The following ANK2 variants were observed in gnomAD, a reference collection of about 807,000 sequenced individuals.
ANK2 encodes the protein ankyrin 2, also known as ankyrin-2.
ANK2 carries 83 observed loss-of-function variants against 360.5 expected under a neutral mutation model. The observed-to-expected ratio is 0.23, with a 90% CI of 0.19 to 0.28. ANK2 has a LOEUF of 0.28. ANK2 is among the 10% of genes least tolerant of loss of function. The probability of loss-of-function intolerance (pLI) is 1.00; values close to 1 mark genes in which losing one functional copy is unlikely to be tolerated. For missense variants in ANK2, 4,201 were observed against 4,795.7 expected (o/e 0.88, Z 3.66); for synonymous variants, 1,740 against 1,759.5 (o/e 0.99, Z 0.28).
At chr4:112,826,185 C>T in intron 1 of ANK2, 1 of 295,908 alleles carries the variant, frequency 3.4e-6, no homozygotes. Context: ...ATGAACTTGC[C>T]CCAAATGTGT....
At chr4:113,096,908 G>A (rs931136876) in intron 1 of ANK2, among the ~76,000 whole-genome samples, 2 of 151,578 alleles carry the variant, frequency 1.3e-5, no homozygotes, top group Non-Finnish European at 2.9e-5. Context: ...TTAAATTCAA[G>A]CTAAGACCTA....
At chr4:113,380,823 T>C (rs6853544) in intron 45 of ANK2, among the ~76,000 whole-genome samples, 2,618 of 152,268 alleles carry the variant, frequency 0.017, 77 homozygotes, top group African/African-American at 0.059. Flanking sequence ...GCTTTTCTCT[T>C]TTCCCCTTCC....
intron 1 of ANK2, among the ~76,000 whole-genome samples, chr4:113,076,227 A>C (rs2079894574): frequency 6.6e-6 from 1 of 152,226 alleles, no homozygotes; most frequent in African/African-American, 2.4e-5. Context: ...AAAAAATCTC[A>C]TAATGTTTTA....
At chr4:112,873,867 C>T (rs2074113372) in intron 1 of ANK2, among the ~76,000 whole-genome samples, 1 of 151,570 alleles carries the variant, frequency 6.6e-6, no homozygotes, top group Non-Finnish European at 1.5e-5. Context: ...TAAAGTTATT[C>T]CACTTTGGTG....
the ANK2 span, among the ~76,000 whole-genome samples, chr4:112,708,809 T>C: frequency 6.6e-6 from 1 of 152,230 alleles, no homozygotes; most frequent in South Asian, 2.1e-4. Context: ...AAAATGTCAC[T>C]GTAGGATTGA....
the ANK2 span, among the ~76,000 whole-genome samples, chr4:112,713,112 T>C: frequency 1.3e-5 from 2 of 152,216 alleles, no homozygotes; most frequent in African/African-American, 2.4e-5. Flanking sequence ...TTACCTAGAA[T>C]AAAACCATTT....
intron 1 of ANK2, among the ~76,000 whole-genome samples, chr4:113,088,889 C>A (rs2154352125): frequency 6.6e-6 from 1 of 152,242 alleles, no homozygotes. Context: ...TATCATGAGT[C>A]CCAGCTCTAT....
rs886508550 is a variant in ANK2, at chr4:113,381,469, T to G, written c.11872T>G (p.Ter3958GluextTer18). ...DTEQSEDNNE[*>E] ...TGCTTTTCTCCAGGACAACAATGAG[T>G]AAAGCCATCACACAGAAGAGGGCTG... The change falls in exon 46 of 46, where the codon TAA becomes GAA. Residue 3958 changes from the stop codon to glutamate (E), a stop_lost. Coordinates refer to ENST00000357077, the MANE Select transcript of ANK2 (RefSeq NM_001148.6). 1 of 1,613,948 alleles carries G rather than the reference T, an allele frequency of 6.2e-7. No individual in the cohort carries two copies. The highest frequency in any genetic ancestry group is 1.3e-5 in the African/African-American group (1 of 74,912).
At chr4:113,277,519 CT>C (rs201864524) in intron 15 of ANK2, among the ~76,000 whole-genome samples, 1 of 150,544 alleles carries the variant, frequency 6.6e-6, no homozygotes, top group Non-Finnish European at 1.5e-5. Context: ...CAAGAAAAGG[CT>C]TTTTTTCCCC....
intron 1 of ANK2, among the ~76,000 whole-genome samples, chr4:112,821,141 C>T (rs2056896335): frequency 6.6e-6 from 1 of 152,110 alleles, no homozygotes; most frequent in South Asian, 2.1e-4. Flanking sequence ...TCTTGAACTC[C>T]TGACCTCAGG....
At chr4:112,799,558 C>T in the ANK2 span, among the ~76,000 whole-genome samples, 5 of 151,042 alleles carry the variant, frequency 3.3e-5, no homozygotes, top group African/African-American at 4.9e-5. Flanking sequence ...GCTGTGTCAC[C>T]CCGGCTGGAG....
At chr4:112,968,695 C>T (rs892414227) in intron 2 of ANK2, among the ~76,000 whole-genome samples, 1 of 152,152 alleles carries the variant, frequency 6.6e-6, no homozygotes, top group Admixed American at 6.6e-5. Context: ...GAGGGAATCC[C>T]AAATTAGAAA....
In ANK2 at chr4:113,192,743, A is replaced by G. The variant is rs150594275; in HGVS notation, c.187-3625A>G. On this transcript the variant is annotated intron_variant, in intron 2 of 45. Coordinates refer to ENST00000357077, the MANE Select transcript of ANK2 (RefSeq NM_001148.6). Reference sequence around the variant, plus strand: ...AATGTAAAATATAATAGTGATTCCTATGTCATTAACATTTCTTATTCTTTC... The same window carrying G: ...AATGTAAAATATAATAGTGATTCCTGTGTCATTAACATTTCTTATTCTTTC... 8.5e-5 allele frequency among the ~76,000 whole-genome samples: 13 copies of G among 152,198 alleles called. No homozygotes were observed. In the East Asian group the frequency reaches 2.5e-3, roughly 29 times the overall value.
chr4:113,201,656 A>G (rs1478699339), intron 4 of ANK2, among the ~76,000 whole-genome samples: 1 of 152,228 alleles, frequency 6.6e-6, no homozygotes, highest in South Asian at 2.1e-4. Context: ...CCTCAAAATG[A>G]CAAACATAGT....
intron 1 of ANK2, among the ~76,000 whole-genome samples, chr4:112,854,658 A>G (rs763587227): frequency 2.0e-5 from 3 of 152,218 alleles, no homozygotes; most frequent in Non-Finnish European, 4.4e-5. Context: ...TAAGGGTTCT[A>G]GCTTAAGGGA....
chr4:113,290,075 G>T (rs2153735960), intron 20 of ANK2, among the ~76,000 whole-genome samples: 1 of 152,058 alleles, frequency 6.6e-6, no homozygotes, highest in Non-Finnish European at 1.5e-5. Flanking sequence ...ACACTATATT[G>T]TCTAGAGAAT....
chr4:112,913,074 T>G lies in ANK2; in HGVS notation c.21+8560T>G, dbSNP rs1390184018. 2.6e-5 allele frequency among the ~76,000 whole-genome samples: 4 copies of G among 152,120 alleles called. No individual in the cohort carries two copies. The East Asian group carries it at 7.7e-4, about 29-fold the overall frequency. On this transcript the variant is annotated intron_variant, in intron 2 of 30. Coordinates refer to the ANK2 transcript ENST00000503271. ...GCACTACATAGGCTCGGGATGCCTA[T>G]GTAACCGTAAAAAAACTCATATTAG...
chr4:113,195,441 T>C (rs539960440), intron 2 of ANK2, among the ~76,000 whole-genome samples: 6 of 152,278 alleles, frequency 3.9e-5, no homozygotes, highest in African/African-American at 1.2e-4. Flanking sequence ...CATTTCAAAA[T>C]CCAAAAACAT....
intron 1 of ANK2, among the ~76,000 whole-genome samples, chr4:112,861,456 ATATCTTCCT>A (rs1276125756): frequency 6.6e-6 from 1 of 152,200 alleles, no homozygotes; most frequent in African/African-American, 2.4e-5. Context: ...TTTGTCCTAA[ATATCTTCCT>A]TACTACAGGC....
Sources: gnomAD v4.1 joint callset for allele counts (sites outside exome capture counted in the v4.1 genomes callset) on GRCh38, gnomAD v4.1.1 for gene constraint, MANE v1.5 for transcripts, NCBI Gene and HGNC (gene_info 2026-07-23, HGNC 2026-07-21) for gene names.